The following MAP4 variants were observed in gnomAD, a reference collection of about 807,000 sequenced individuals.
MAP4 encodes the protein microtubule-associated protein 4.
Under a neutral mutation model 170.2 loss-of-function variants are expected in MAP4, and 76 were observed. The ratio of observed to expected loss-of-function variants is 0.45; its 90% CI spans 0.37 to 0.54. The LOEUF (loss-of-function observed/expected upper bound fraction) is 0.54, where lower values mean the gene tolerates loss of function less well. Among genes scored for constraint, MAP4 ranks in the 20% least tolerant of loss-of-function variants. The pLI is 0.00. For missense variants in MAP4, 2,506 were observed against 2,748.0 expected (o/e 0.91, Z 1.97); for synonymous variants, 909 against 994.5 (o/e 0.91, Z 1.62).
intron 2 of MAP4, among the ~76,000 whole-genome samples, chr3:47,990,688 C>T (rs1559729423): frequency 6.6e-6 from 1 of 152,142 alleles, no homozygotes; most frequent in Admixed American, 6.5e-5. Flanking sequence ...ACAAGAGTCA[C>T]AGATGTTTGC....
intron 11 of MAP4, among the ~76,000 whole-genome samples, chr3:47,876,132 C>CTTTTTTTTTTTTTTT (rs756229459): frequency 1.4e-5 from 2 of 140,570 alleles, no homozygotes; most frequent in Non-Finnish European, 1.5e-5. Context: ...TTTTCTTTTT[C>CTTTTTTTTTTTTTTT]TTTCTTTTTT....
Position 47,903,743 on chromosome 3 carries a change from T to C in MAP4, c.5384-743A>G, listed in dbSNP as rs189929132. Among the ~76,000 whole-genome samples the C allele has an allele frequency of 2.2e-3, 332 of 152,328 alleles. 2 individuals are homozygous for C. The highest frequency in any genetic ancestry group is 7.5e-3 in the African/African-American group (313 of 41,572). ...TTGGCAATATATTCACTTTCCCTAC[T>C]TCTAAACAGGGTAAGATCAGCAAAA... On this transcript the variant is annotated intron_variant, in intron 9 of 20. Coordinates refer to ENST00000683076, the MANE Select transcript of MAP4 (RefSeq NM_001385682.1).
chr3:48,048,106 T>C (rs1204164562), intron 1 of MAP4, among the ~76,000 whole-genome samples: 2 of 151,982 alleles, frequency 1.3e-5, no homozygotes, highest in Non-Finnish European at 1.5e-5. Context: ...TAGACTCCCA[T>C]CTTTTAAAAA....
chr3:47,989,729 T>C (rs1450914247), intron 2 of MAP4, among the ~76,000 whole-genome samples: 2 of 152,192 alleles, frequency 1.3e-5, no homozygotes, highest in Non-Finnish European at 2.9e-5. Context: ...GCTTGTATAT[T>C]TCCCTGCCAG....
In MAP4 at chr3:47,911,633, C is replaced by T; in HGVS notation, c.2788G>A (p.Glu930Lys). 6.5e-7 allele frequency: 1 copy of T among 1,536,036 alleles called. No homozygotes were observed. Among genetic ancestry groups the T allele is most frequent in the Non-Finnish European group, 8.7e-7 (1 of 1,146,876 alleles). Residue 930 changes from glutamate to lysine, a missense_variant, in exon 9 of 21, where the codon GAA (glutamate) becomes AAA (lysine). Physicochemically the swap from Glu to Lys is moderately conservative, Grantham distance 56 (BLOSUM62 1). This residue lies in a region of MAP4 where 2,008 missense variants were observed against 2,206.0 expected (regional missense o/e 0.91). Coordinates refer to ENST00000683076, the MANE Select transcript of MAP4 (RefSeq NM_001385682.1). This position sits in a 1 kb window ranked among gnomAD's most constrained non-coding sequence, Gnocchi z 4.0. Reference protein sequence around the residue: ...GPLNLKGPLAEVSAYNVETPL... With the variant: ...GPLNLKGPLAKVSAYNVETPL... Reference sequence around the variant, plus strand: ...GTTTCTACATTGTATGCAGAAACTTCTGCTAGGGGTCCTTTCAGATTGAGA... The same window carrying T: ...GTTTCTACATTGTATGCAGAAACTTTTGCTAGGGGTCCTTTCAGATTGAGA...
At chr3:48,071,032 TAAATA>T (rs1446026974) in intron 1 of MAP4, among the ~76,000 whole-genome samples, 1 of 151,168 alleles carries the variant, frequency 6.6e-6, no homozygotes, top group South Asian at 2.1e-4. Flanking sequence ...CTCAAAAAAA[TAAATA>T]AAATGAAGTA....
At chr3:47,917,244 G>T in intron 6 of MAP4, 70 bp from the exon 7 acceptor site, 1 of 1,294,824 alleles carries the variant, frequency 7.7e-7, no homozygotes, top group Non-Finnish European at 1.1e-6. Flanking sequence ...ACTTTCTTCA[G>T]GCATGAGAGT....
At chr3:47,884,799 G>A (rs2097297247) in intron 10 of MAP4, among the ~76,000 whole-genome samples, 1 of 152,118 alleles carries the variant, frequency 6.6e-6, no homozygotes, top group Admixed American at 6.6e-5. Flanking sequence ...CTCTTGCTAA[G>A]GGGAAGGAAG....
intron 2 of MAP4, among the ~76,000 whole-genome samples, chr3:47,981,121 G>C (rs1329015665): frequency 1.3e-5 from 2 of 152,150 alleles, no homozygotes; most frequent in Non-Finnish European, 2.9e-5. Flanking sequence ...AATATAAACA[G>C]AATGTTTATG....
chr3:47,890,283 C>T lies in MAP4; in HGVS notation c.5434+12667G>A, dbSNP rs77438566. 9.5e-3 allele frequency among the ~76,000 whole-genome samples: 1,439 copies of T among 152,132 alleles called. 22 individuals carry two copies. The highest frequency in any genetic ancestry group is 0.033 in the African/African-American group (1,384 of 41,518). On this transcript the variant is annotated intron_variant, in intron 10 of 20. Coordinates refer to ENST00000683076, the MANE Select transcript of MAP4 (RefSeq NM_001385682.1). ...AAGACACAAAAGGCTGTCACAAAGA[C>T]CGCAAAATTTAGCTGTTTATTAGGT...
At chr3:47,885,098 TG>T (rs371126196) in intron 10 of MAP4, among the ~76,000 whole-genome samples, 66 of 152,318 alleles carry the variant, frequency 4.3e-4, no homozygotes, top group African/African-American at 1.6e-3. Flanking sequence ...TTTTCTTTCT[TG>T]TTTTTTTGGC....
intron 1 of MAP4, among the ~76,000 whole-genome samples, chr3:48,021,455 C>G (rs912045844): frequency 6.6e-6 from 1 of 152,036 alleles, no homozygotes; most frequent in Non-Finnish European, 1.5e-5. Flanking sequence ...TCAAGCAATT[C>G]TCCTGCCTCA....
chr3:47,905,613 TAGAAG>T (rs1577363144), intron 9 of MAP4, among the ~76,000 whole-genome samples: 1 of 149,274 alleles, frequency 6.7e-6, no homozygotes. Flanking sequence ...AAAATATTAA[TAGAAG>T]AGAAAAGAAA....
upstream of MAP4, among the ~76,000 whole-genome samples, chr3:48,018,279 G>A (rs1406659628): frequency 1.3e-5 from 2 of 152,256 alleles, no homozygotes; most frequent in African/African-American, 2.4e-5. Context: ...ACATCAAAGT[G>A]ATGTGCACAC....
chr3:48,080,389 TG>T (rs377134518), intron 1 of MAP4, among the ~76,000 whole-genome samples: 13 of 152,340 alleles, frequency 8.5e-5, no homozygotes, highest in African/African-American at 3.1e-4. Context: ...GAAAAAGAAT[TG>T]TTTTTGCTCT....
chr3:47,871,925 T>C lies in MAP4; in HGVS notation c.5933A>G (p.Lys1978Arg). 1 of 1,610,462 alleles carries C rather than the reference T, an allele frequency of 6.2e-7. No individual in the cohort carries two copies. The highest frequency in any genetic ancestry group is 8.5e-7 in the Non-Finnish European group (1 of 1,177,468). Residue 1978 changes from lysine (K) to arginine (R), a missense_variant, in exon 13 of 21, where the codon AAG becomes AGG. Physicochemically the swap from Lys to Arg is conservative, Grantham distance 26 (BLOSUM62 2). Coordinates refer to ENST00000683076, the MANE Select transcript of MAP4 (RefSeq NM_001385682.1). ...SRSPSTLLPK[K>R]PTAIKTEGKP... is the part of the protein sequence containing the mutation. ...AGAAAGGCAATACTCACCAGTGGGCTTCTTGGGCAGGAGCGTGGAGGGGCT... is the reference window on the plus strand; with the variant it reads ...AGAAAGGCAATACTCACCAGTGGGCCTCTTGGGCAGGAGCGTGGAGGGGCT...
chr3:48,087,037 T>C (rs1439398838), intron 1 of MAP4, among the ~76,000 whole-genome samples: 1 of 152,208 alleles, frequency 6.6e-6, no homozygotes, highest in African/African-American at 2.4e-5. Flanking sequence ...CCTCATCTGT[T>C]AACAAACATA....
intron 4 of MAP4, among the ~76,000 whole-genome samples, chr3:47,924,202 G>C (rs1158645085): frequency 6.6e-6 from 1 of 152,166 alleles, no homozygotes; most frequent in African/African-American, 2.4e-5. Flanking sequence ...GATATATTTT[G>C]GTTCAAGTCA....
exon 1 of MAP4, chr3:48,088,814 A>T (rs1482046369): frequency 6.6e-6 from 1 of 152,410 alleles, no homozygotes; most frequent in East Asian, 1.9e-4. Flanking sequence ...GGGAGCCAGG[A>T]GAGCGCCGGG....
Sources: allele counts gnomAD v4.1 joint callset (sites outside exome capture counted in the v4.1 genomes callset), GRCh38; gene constraint gnomAD v4.1.1; regional missense constraint gnomAD v4.1.1; non-coding constraint Gnocchi (gnomAD v3.1); transcripts MANE v1.5; gene names NCBI Gene and HGNC (gene_info 2026-07-23, HGNC 2026-07-21).